KCNH7: variants seen among roughly 807,000 people sequenced by gnomAD.
KCNH7 encodes potassium voltage-gated channel subfamily H member 7, also known as voltage-gated inwardly rectifying potassium channel KCNH7.
KCNH7 carries 49 observed loss-of-function variants against 120.8 expected under a neutral mutation model. The ratio of observed to expected loss-of-function variants is 0.41; its 90% CI spans 0.32 to 0.51. The LOEUF (loss-of-function observed/expected upper bound fraction) is 0.51, where lower values mean the gene tolerates loss of function less well. Among genes scored for constraint, KCNH7 ranks in the 20% least tolerant of loss-of-function variants. The pLI, the probability that KCNH7 is intolerant of heterozygous loss-of-function variation, is 0.38. For synonymous variants in KCNH7, 547 were observed against 516.1 expected (o/e 1.06, Z -0.81); for missense variants, 1,097 against 1,446.6 (o/e 0.76, Z 3.92).
intron 11 of KCNH7, 91 bp downstream of exon 11, chr2:162,396,649 T>A: frequency 1.1e-6 from 1 of 887,894 alleles, no homozygotes; most frequent in Non-Finnish European, 1.7e-6. Flanking sequence ...CTTGCTGCAA[T>A]ATTTTGCTTG....
intron 3 of KCNH7, among the ~76,000 whole-genome samples, chr2:162,530,043 T>C (rs1453608478): frequency 6.6e-6 from 1 of 151,916 alleles, no homozygotes; most frequent in Non-Finnish European, 1.5e-5. Flanking sequence ...CTACAGAGAA[T>C]AAGTTTATGA....
intron 2 of KCNH7, among the ~76,000 whole-genome samples, chr2:162,834,487 T>C (rs1221505185): frequency 6.6e-6 from 1 of 150,936 alleles, no homozygotes; most frequent in Non-Finnish European, 1.5e-5. Context: ...GTCAACAGAA[T>C]CAAAATTTTT....
At chr2:162,752,097 G>C (rs1688572020) in intron 2 of KCNH7, among the ~76,000 whole-genome samples, 1 of 152,052 alleles carries the variant, frequency 6.6e-6, no homozygotes. Flanking sequence ...TCTCATCAAT[G>C]TTTAAATAAA....
Position 162,512,673 on chromosome 2 carries a change from G to A in KCNH7, c.894C>T (p.Asp298=), listed in dbSNP as rs1373496441. Residue 298 remains aspartate, a splice_region_variant and synonymous_variant, in exon 5 of 16, where the codon GAC becomes GAT. Coordinates refer to ENST00000332142, the MANE Select transcript of KCNH7 (RefSeq NM_033272.4). ...NIFRDRHASE[D]NGRNVKGPFN... ...CATTACCTTTGACATTGCGACCATT[G>A]TCTGTTTTGAGCACATAAGGATAAA... 2 of 1,608,078 alleles carry A rather than the reference G, an allele frequency of 1.2e-6. No homozygotes were observed. Among genetic ancestry groups the A allele is most frequent in the Admixed American group, 1.7e-5 (1 of 59,648 alleles).
chr2:162,456,039 T>C (rs1417737702), intron 6 of KCNH7, among the ~76,000 whole-genome samples: 3 of 152,282 alleles, frequency 2.0e-5, no homozygotes, highest in South Asian at 2.1e-4. Context: ...AGGGTGTTGA[T>C]TTGAGATCTT....
intron 2 of KCNH7, among the ~76,000 whole-genome samples, chr2:162,655,181 T>C (rs1447126395): frequency 6.6e-6 from 1 of 152,162 alleles, no homozygotes; most frequent in Non-Finnish European, 1.5e-5. Context: ...TTAATTAGCT[T>C]GAGTTAGTCA....
intron 4 of KCNH7, among the ~76,000 whole-genome samples, chr2:162,517,283 A>C (rs187699432): frequency 3.3e-5 from 5 of 151,730 alleles, no homozygotes; most frequent in Admixed American, 2.0e-4. Flanking sequence ...CTTTCTGATC[A>C]CTCAGTACAT....
At chr2:162,539,362 T>C (rs767066769) in intron 2 of KCNH7, among the ~76,000 whole-genome samples, 3 of 152,066 alleles carry the variant, frequency 2.0e-5, no homozygotes, top group Non-Finnish European at 4.4e-5. Context: ...ATTTGCTATT[T>C]AAGCAGTTTC....
chr2:162,431,879 T>G (rs1044727331), intron 8 of KCNH7, among the ~76,000 whole-genome samples: 6 of 151,838 alleles, frequency 4.0e-5, no homozygotes, highest in Non-Finnish European at 5.9e-5. Flanking sequence ...ATTCCCTGAT[T>G]GAGGGAATGG....
chr2:162,818,268 C>G (rs1177520219), intron 2 of KCNH7, among the ~76,000 whole-genome samples: 1 of 151,842 alleles, frequency 6.6e-6, no homozygotes, highest in Non-Finnish European at 1.5e-5. Flanking sequence ...TAATCTAAAT[C>G]AAATTAATTT....
chr2:162,417,133 C>A (rs987444643), intron 9 of KCNH7, among the ~76,000 whole-genome samples: 2 of 152,114 alleles, frequency 1.3e-5, no homozygotes, highest in Admixed American at 6.6e-5. Flanking sequence ...TAACATCAAT[C>A]CCAGTCCACT....
intron 2 of KCNH7, among the ~76,000 whole-genome samples, chr2:162,542,052 T>C (rs1692324124): frequency 6.6e-6 from 1 of 152,030 alleles, no homozygotes; most frequent in African/African-American, 2.4e-5. Context: ...TGGGCTGTGT[T>C]AGTATTAGTG....
chr2:162,588,460 A>C (rs1694095004), intron 2 of KCNH7, among the ~76,000 whole-genome samples: 1 of 152,046 alleles, frequency 6.6e-6, no homozygotes, highest in African/African-American at 2.4e-5. Context: ...CCCCTCAAAA[A>C]CAAAACTTGG....
chr2:162,622,258 AC>A (rs1683390583), intron 2 of KCNH7, among the ~76,000 whole-genome samples: 1 of 152,182 alleles, frequency 6.6e-6, no homozygotes, highest in East Asian at 1.9e-4. Flanking sequence ...GAGTATCAAA[AC>A]TGGGTCAGTA....
intron 2 of KCNH7, among the ~76,000 whole-genome samples, chr2:162,585,006 A>G (rs1368146522): frequency 6.6e-6 from 1 of 151,724 alleles, no homozygotes; most frequent in African/African-American, 2.4e-5. Flanking sequence ...CTTTGTAAAA[A>G]GATGTGCTGT....
At chr2:162,805,540 C>T (rs1385835187) in intron 2 of KCNH7, among the ~76,000 whole-genome samples, 1 of 152,032 alleles carries the variant, frequency 6.6e-6, no homozygotes, top group Non-Finnish European at 1.5e-5. Flanking sequence ...GAGATACCAC[C>T]TTCCTGCTAC....
At chr2:162,730,822 C>T (rs2105391191) in intron 2 of KCNH7, among the ~76,000 whole-genome samples, 1 of 151,732 alleles carries the variant, frequency 6.6e-6, no homozygotes, top group South Asian at 2.1e-4. Context: ...AAATCTTCAA[C>T]AAAATTAAAA....
intron 6 of KCNH7, among the ~76,000 whole-genome samples, chr2:162,482,833 A>C (rs1217813831): frequency 6.6e-6 from 1 of 152,200 alleles, no homozygotes; most frequent in Non-Finnish European, 1.5e-5. Flanking sequence ...ACCAAAAAAA[A>C]GTTTCATATA....
chr2:162,821,729 C>T (rs948818597), intron 2 of KCNH7, among the ~76,000 whole-genome samples: 1 of 152,254 alleles, frequency 6.6e-6, no homozygotes, highest in Non-Finnish European at 1.5e-5. Flanking sequence ...AACTGTGGTG[C>T]TTATATTTGG....
Sources: allele counts gnomAD v4.1 joint callset (sites outside exome capture counted in the v4.1 genomes callset), GRCh38; gene constraint gnomAD v4.1.1; transcripts MANE v1.5; gene names NCBI Gene and HGNC (gene_info 2026-07-23, HGNC 2026-07-21).